CTNNA3: variants seen among roughly 807,000 people sequenced by gnomAD.
The protein encoded by CTNNA3 is catenin alpha-3.
In CTNNA3, 76 loss-of-function variants were observed where a neutral mutation model predicts 95.7. The observed-to-expected ratio is 0.79, with a 90% CI of 0.66 to 0.96. The LOEUF is 0.96. Among genes scored for constraint, CTNNA3 ranks in the 40% least tolerant of loss-of-function variants. The pLI is 0.00. For missense variants in CTNNA3, 1,191 were observed against 1,089.8 expected (o/e 1.09, Z -1.31); for synonymous variants, 431 against 374.4 (o/e 1.15, Z -1.74).
chr10:66,643,449 A>G (rs930160765), intron 9 of CTNNA3, among the ~76,000 whole-genome samples: 2 of 152,220 alleles, frequency 1.3e-5, no homozygotes, highest in Admixed American at 6.5e-5. Flanking sequence ...CTTTGTGAGC[A>G]TAGCTATATT....
At chr10:67,368,835 A>G (rs748198203) in intron 5 of CTNNA3, among the ~76,000 whole-genome samples, 2 of 152,222 alleles carry the variant, frequency 1.3e-5, no homozygotes, top group Non-Finnish European at 2.9e-5. Flanking sequence ...AAAGCAGATC[A>G]GTGGTTACCT....
At chr10:66,267,270 CCAGGTACCCTTCA>C (rs2132119229) in intron 13 of CTNNA3, among the ~76,000 whole-genome samples, 1 of 152,200 alleles carries the variant, frequency 6.6e-6, no homozygotes, top group South Asian at 2.1e-4. Context: ...ACACTGGCGT[CCAGGTACCCTTCA>C]CCTAATTGTA....
At chr10:67,171,657 T>C (rs1254101470) in intron 7 of CTNNA3, among the ~76,000 whole-genome samples, 1 of 151,732 alleles carries the variant, frequency 6.6e-6, no homozygotes, top group African/African-American at 2.4e-5. Flanking sequence ...GAGGCTGTAG[T>C]GGGAGGATGA....
At chr10:67,323,932 G>A (rs1207269543) in intron 5 of CTNNA3, among the ~76,000 whole-genome samples, 2 of 152,052 alleles carry the variant, frequency 1.3e-5, no homozygotes, top group Admixed American at 1.3e-4. Context: ...TCCCTGGTTA[G>A]CTGTATTCTG....
chr10:66,495,628 G>T (rs907344051), intron 11 of CTNNA3, among the ~76,000 whole-genome samples: 9 of 151,622 alleles, frequency 5.9e-5, no homozygotes, highest in African/African-American at 2.2e-4. Flanking sequence ...ATACATACTG[G>T]AAGTCATTTT....
Position 66,932,097 on chromosome 10 carries a change from C to T in CTNNA3, c.1048-156573G>A, listed in dbSNP as rs185907522. Among the ~76,000 whole-genome samples, 797 of 152,210 alleles carry T rather than the reference C, an allele frequency of 5.2e-3. 4 individuals carry two copies. Among genetic ancestry groups the T allele is most frequent in the Non-Finnish European group, 9.0e-3 (611 of 68,014 alleles). On this transcript the variant is annotated intron_variant, in intron 7 of 17. Coordinates refer to ENST00000433211, the MANE Select transcript of CTNNA3 (RefSeq NM_013266.4). ...GCCAGTGACCTGTGCTTTGCCTCAG[C>T]GCTTTCTCCCTCCCTCCCCCTTTTC...
chr10:66,318,350 T>A (rs1404303653), intron 12 of CTNNA3, among the ~76,000 whole-genome samples: 1 of 151,514 alleles, frequency 6.6e-6, no homozygotes, highest in Non-Finnish European at 1.5e-5. Context: ...TTCTTCTAAA[T>A]ATAATGCATA....
intron 7 of CTNNA3, among the ~76,000 whole-genome samples, chr10:67,157,447 A>T (rs1036965119): frequency 6.6e-6 from 1 of 152,200 alleles, no homozygotes; most frequent in Non-Finnish European, 1.5e-5. Flanking sequence ...TGGAAGCTAC[A>T]ACCCCTTGAA....
Position 66,600,066 on chromosome 10 carries a change from T to C in CTNNA3, c.1374+21626A>G, listed in dbSNP as rs151239929. ...AAAAACAAAGTAGACAAAAGAAGCA[T>C]ATTTAACAACCAGGCTAACACAGTT... On this transcript the variant is annotated intron_variant, in intron 10 of 17. Transcript: ENST00000433211. Among the ~76,000 whole-genome samples, 442 of 152,052 alleles carry C rather than the reference T, an allele frequency of 2.9e-3. 2 individuals carry two copies. The highest frequency in any genetic ancestry group is 0.01 in the African/African-American group (423 of 41,510).
At chr10:66,744,233 A>C (rs1337769036) in intron 9 of CTNNA3, among the ~76,000 whole-genome samples, 1 of 152,134 alleles carries the variant, frequency 6.6e-6, no homozygotes, top group African/African-American at 2.4e-5. Context: ...TCAATTTGTT[A>C]AGGTTTGCTT....
chr10:66,220,243 G>C (rs1268840688), intron 13 of CTNNA3, among the ~76,000 whole-genome samples: 1 of 152,174 alleles, frequency 6.6e-6, no homozygotes, highest in African/African-American at 2.4e-5. Context: ...GCACAGTTTA[G>C]ATGCTCAGAA....
chr10:67,575,174 A>G (rs777200541), intron 3 of CTNNA3, among the ~76,000 whole-genome samples: 1 of 152,146 alleles, frequency 6.6e-6, no homozygotes, highest in Non-Finnish European at 1.5e-5. Context: ...TGTTTGGGTT[A>G]TGCGTTTCCT....
chr10:65,978,108 G>A (rs77562124), intron 16 of CTNNA3, among the ~76,000 whole-genome samples: 4,902 of 151,562 alleles, frequency 0.032, 240 homozygotes, highest in African/African-American at 0.11. Flanking sequence ...GTCCCTCAAA[G>A]CAAAACCCTG....
intron 1 of CTNNA3, among the ~76,000 whole-genome samples, chr10:67,725,569 T>G (rs908926587): frequency 6.6e-6 from 1 of 151,952 alleles, no homozygotes; most frequent in African/African-American, 2.4e-5. Flanking sequence ...TTGTCACATA[T>G]CAGAGTCCCC....
At chr10:67,360,503 G>T (rs76174350) in intron 5 of CTNNA3, among the ~76,000 whole-genome samples, 1 of 151,884 alleles carries the variant, frequency 6.6e-6, no homozygotes, top group Admixed American at 6.6e-5. Context: ...AAAGTAAAGG[G>T]ATGGAGAAGC....
At chr10:66,131,138 C>T (rs1190207617) in intron 13 of CTNNA3, among the ~76,000 whole-genome samples, 1 of 150,858 alleles carries the variant, frequency 6.6e-6, no homozygotes, top group Non-Finnish European at 1.5e-5. Context: ...CTACCAGACA[C>T]ACAAAGAAGA....
At chr10:66,802,441 C>T (rs1349161078) in intron 7 of CTNNA3, among the ~76,000 whole-genome samples, 2 of 151,656 alleles carry the variant, frequency 1.3e-5, no homozygotes, top group East Asian at 3.9e-4. Context: ...GAACTGAATA[C>T]CATCTCAACA....
chr10:67,093,269 G>A (rs1435356760), intron 7 of CTNNA3, among the ~76,000 whole-genome samples: 1 of 151,848 alleles, frequency 6.6e-6, no homozygotes, highest in Non-Finnish European at 1.5e-5. Flanking sequence ...AGCTAGTTCA[G>A]ACACTTAGGG....
At position 65,920,303 on chromosome 10, in the gene CTNNA3, AT is replaced by A. The variant is rs773632703; in HGVS notation, c.*26del. 1 of 1,583,816 alleles carries A rather than the reference AT, an allele frequency of 6.3e-7. No individual in the cohort carries two copies. The highest frequency in any genetic ancestry group is 1.4e-5 in the African/African-American group (1 of 73,804). On this transcript the variant is annotated 3_prime_UTR_variant, in exon 18 of 18. Coordinates refer to ENST00000433211, the MANE Select transcript of CTNNA3 (RefSeq NM_013266.4). ...GTGTGGTTAGGCAGGATTTTGTCAT[AT>A]AGGCACTATATGTAGAATAGTGGTT...
Sources: allele counts gnomAD v4.1 joint callset (sites outside exome capture counted in the v4.1 genomes callset), GRCh38; gene constraint gnomAD v4.1.1; transcripts MANE v1.5; gene names NCBI Gene and HGNC (gene_info 2026-07-23, HGNC 2026-07-21).